POP1: variants seen among roughly 807,000 people sequenced by gnomAD.
POP1 encodes POP1 ribonuclease P/MRP subunit.
In POP1, 75 loss-of-function variants were observed where a neutral mutation model predicts 102.2. The observed-to-expected ratio is 0.73, with a 90% CI of 0.61 to 0.89. The LOEUF is 0.89. Among genes scored for constraint, POP1 ranks in the 40% least tolerant of loss-of-function variants. The probability of loss-of-function intolerance (pLI) is 0.00; values close to 1 mark genes in which losing one functional copy is unlikely to be tolerated. For synonymous variants in POP1, 436 were observed against 464.1 expected (o/e 0.94, Z 0.78); for missense variants, 1,116 against 1,267.4 (o/e 0.88, Z 1.81).
intron 11 of POP1, among the ~76,000 whole-genome samples, chr8:98,141,612 A>G (rs13282709): frequency 6.6e-6 from 1 of 151,698 alleles, no homozygotes; most frequent in East Asian, 1.9e-4. Context: ...GCTGGAGTGC[A>G]ATGGATGGCG....
chr8:98,147,824 AT>A (rs750408145), intron 12 of POP1, among the ~76,000 whole-genome samples: 15 of 152,162 alleles, frequency 9.9e-5, no homozygotes, highest in Non-Finnish European at 2.1e-4. Context: ...TCTAGCTTGG[AT>A]TTAGGATTTC....
intron 6 of POP1, 47 bp from the exon 7 acceptor site, chr8:98,134,425 C>T: frequency 6.4e-7 from 1 of 1,574,048 alleles, no homozygotes; most frequent in Non-Finnish European, 8.7e-7. Flanking sequence ...AATAGGACTG[C>T]AGTCTCAACA....
rs780046080 is a variant in POP1 at position 98,133,989 on chromosome 8, A to T, written c.776A>T (p.Glu259Val). The change falls in exon 6 of 16, where the codon GAG (glutamate) becomes GTG (valine). Residue 259 changes from glutamate (E) to valine (V), a missense_variant. By Grantham distance (121) the Glu-to-Val change is moderately radical. Transcript: ENST00000401707. ...YYCCLELKGK[E>V]EEILKALSGM... ...TGTTGTTTGGAGTTGAAAGGCAAAG[A>T]GGAAGAAATACTAAAGGCGCTTTCT... is the stretch of plus-strand genomic sequence containing the variant. The T allele has an allele frequency of 1.2e-6, 2 of 1,613,776 alleles. No individual in the cohort carries two copies. The highest frequency in any genetic ancestry group is 8.5e-7 in the Non-Finnish European group (1 of 1,179,668).
intron 5 of POP1, among the ~76,000 whole-genome samples, chr8:98,132,351 G>T (rs955107350): frequency 6.6e-6 from 1 of 152,158 alleles, no homozygotes; most frequent in Non-Finnish European, 1.5e-5. Context: ...TGACTCCAGG[G>T]TTCCACACTC....
intron 11 of POP1, among the ~76,000 whole-genome samples, chr8:98,145,273 C>T (rs989441930): frequency 2.0e-5 from 3 of 152,216 alleles, no homozygotes; most frequent in East Asian, 3.8e-4. Context: ...AAATCTGTCA[C>T]ACTATGGCCC....
At position 98,156,425 on chromosome 8, in the gene POP1, G is replaced by A; in HGVS notation, c.2420+13G>A. 1 of 1,613,226 alleles carries A rather than the reference G, an allele frequency of 6.2e-7. No homozygotes were observed. The highest frequency in any genetic ancestry group is 1.1e-5 in the South Asian group (1 of 90,996). On this transcript the variant is annotated intron_variant, in intron 15 of 15. Coordinates refer to ENST00000401707, the MANE Select transcript of POP1 (RefSeq NM_001145860.2). ...TCTGCGTTCTCAGGTAAGTGTCGGTGACTTCTGGGTACATTTTGGATTATT... is the reference window on the plus strand; with the variant it reads ...TCTGCGTTCTCAGGTAAGTGTCGGTAACTTCTGGGTACATTTTGGATTATT...
chr8:98,117,518 T>C, intron 1 of POP1, 128 bp downstream of exon 1: 1 of 195,608 alleles, frequency 5.1e-6, no homozygotes, highest in South Asian at 7.4e-5. Context: ...CCTCTTTCCT[T>C]GCTGCCTGTG....
At chr8:98,152,043 G>A (rs555186558) in intron 14 of POP1, among the ~76,000 whole-genome samples, 5 of 152,162 alleles carry the variant, frequency 3.3e-5, no homozygotes, top group South Asian at 4.1e-4. Context: ...CTGTGCCTGC[G>A]TTTCAAACTA....
At chr8:98,122,803 A>T (rs910519912) in intron 1 of POP1, among the ~76,000 whole-genome samples, 6 of 152,358 alleles carry the variant, frequency 3.9e-5, no homozygotes, top group African/African-American at 1.4e-4. Flanking sequence ...AGCTGCTTCA[A>T]ACTGAATCAG....
chr8:98,125,179 GTTTT>G (rs748014497), intron 2 of POP1, among the ~76,000 whole-genome samples: 1 of 102,260 alleles, frequency 9.8e-6, no homozygotes, highest in Admixed American at 1.1e-4. Flanking sequence ...TTTACAGACA[GTTTT>G]TTTTTTTTTT....
chr8:98,140,242 C>A (rs1563778850), intron 10 of POP1, 53 bp downstream of exon 10: 3 of 1,486,416 alleles, frequency 2.0e-6, no homozygotes, highest in Middle Eastern at 1.9e-4. Context: ...GCCAAAAGAG[C>A]CTTTTGCAGT....
intron 9 of POP1, among the ~76,000 whole-genome samples, chr8:98,139,453 G>A (rs1188399562): frequency 2.0e-5 from 3 of 152,162 alleles, no homozygotes; most frequent in African/African-American, 7.2e-5. Flanking sequence ...CAGGCGTGTG[G>A]CTCACACCTG....
At position 98,136,683 on chromosome 8, in the gene POP1, A is replaced by G. The variant is rs150324095; in HGVS notation, c.1213A>G (p.Arg405Gly). The G allele has an allele frequency of 7.0e-5, 113 of 1,612,198 alleles. No homozygotes were observed. Among genetic ancestry groups the G allele is most frequent in the Non-Finnish European group, 8.9e-5 (105 of 1,178,172 alleles). ...PIKKIIGDGT[R>G]DPCLPYSWIS... ...TAAAAAAATTATCGGTGATGGAACTAGAGATCCATGTCTACCATACTCTTG... is the reference window on the plus strand; with the variant it reads ...TAAAAAAATTATCGGTGATGGAACTGGAGATCCATGTCTACCATACTCTTG... The change falls in exon 8 of 16, where the codon AGA (arginine) becomes GGA (glycine). Residue 405 changes from arginine (R) to glycine (G), a missense_variant. By Grantham distance (125) the Arg-to-Gly change is moderately radical (BLOSUM62 -2). Coordinates refer to ENST00000401707, the MANE Select transcript of POP1 (RefSeq NM_001145860.2).
chr8:98,140,035 G>A, intron 9 of POP1, 43 bp from the exon 10 acceptor site: 2 of 1,428,240 alleles, frequency 1.4e-6, no homozygotes, highest in Admixed American at 1.8e-5. Flanking sequence ...TTATGAAGGT[G>A]GATTCATTGT....
chr8:98,134,007 C>G lies in POP1; in HGVS notation c.794C>G (p.Ala265Gly). Residue 265 changes from alanine (A) to glycine (G), a missense_variant, in exon 6 of 16, where the codon GCG (alanine) becomes GGG (glycine). Ala to Gly is a moderately conservative substitution (Grantham distance 60, BLOSUM62 0). Transcript: ENST00000401707. Reference protein sequence around the residue: ...LKGKEEEILKALSGMCNIDTG... With the variant: ...LKGKEEEILKGLSGMCNIDTG... ...GGCAAAGAGGAAGAAATACTAAAGG[C>G]GCTTTCTGGAATGTGTAACATAGAC... The G allele has an allele frequency of 6.2e-7, 1 of 1,612,766 alleles. No individual in the cohort carries two copies. Among genetic ancestry groups the G allele is most frequent in the South Asian group, 1.1e-5 (1 of 91,040 alleles).
At chr8:98,119,732 A>G (rs994444992) in intron 1 of POP1, among the ~76,000 whole-genome samples, 7 of 151,998 alleles carry the variant, frequency 4.6e-5, no homozygotes, top group African/African-American at 9.7e-5. Flanking sequence ...GCTCATAACT[A>G]TGCCTAGCTT....
chr8:98,130,343 A>G, intron 5 of POP1, 117 bp downstream of exon 5: 1 of 1,468,692 alleles, frequency 6.8e-7, no homozygotes, highest in Non-Finnish European at 9.4e-7. Flanking sequence ...TTTTAAAAAT[A>G]ATTCCTGAGC....
chr8:98,120,508 A>C (rs184012694), intron 1 of POP1, among the ~76,000 whole-genome samples: 4 of 152,024 alleles, frequency 2.6e-5, no homozygotes, highest in Non-Finnish European at 4.4e-5. Context: ...GTCTCACTCT[A>C]TCGCCCAGGC....
rs1458341384 is a variant in POP1, at chr8:98,158,930, A to C, written c.*659A>C. 6.6e-6 allele frequency: 1 copy of C among 152,104 alleles called. No individual in the cohort carries two copies. The highest frequency in any genetic ancestry group is 1.5e-5 in the Non-Finnish European group (1 of 68,022). 9.4% of individuals were successfully genotyped at this position (152,104 alleles called of 1,614,324 possible). On this transcript the variant is annotated 3_prime_UTR_variant, in exon 16 of 16. Coordinates refer to ENST00000401707, the MANE Select transcript of POP1 (RefSeq NM_001145860.2). The stretch of plus-strand genomic sequence containing the variant: ...TTGTTGTTGACCAACACTTGATCCT[A>C]CTAGTTACTTAATTTTTTTAAGTAA...
Sources: gnomAD v4.1 joint callset for allele counts (sites outside exome capture counted in the v4.1 genomes callset) on GRCh38, gnomAD v4.1.1 for gene constraint, MANE v1.5 for transcripts, NCBI Gene and HGNC (gene_info 2026-07-23, HGNC 2026-07-21) for gene names.